TIAM1: variants seen among roughly 807,000 people sequenced by gnomAD.
TIAM1 encodes TIAM Rac1 associated GEF 1, also known as rho guanine nucleotide exchange factor TIAM1.
In TIAM1, 65 loss-of-function variants were observed where a neutral mutation model predicts 163.5. The observed-to-expected ratio is 0.40, with a 90% CI of 0.33 to 0.49. TIAM1 has a LOEUF of 0.49. TIAM1 is among the 20% of genes least tolerant of loss of function. The probability of loss-of-function intolerance (pLI) is 0.77; values close to 1 mark genes in which losing one functional copy is unlikely to be tolerated. For synonymous variants in TIAM1, 833 were observed against 810.1 expected, an observed-to-expected ratio of 1.03 and a Z score of -0.48; for missense variants, 1,789 against 2,044.7, an observed-to-expected ratio of 0.87 and a Z score of 2.41.
chr21:31,220,089 AAAT>A (rs1348709348), intron 8 of TIAM1, among the ~76,000 whole-genome samples: 1 of 152,254 alleles, frequency 6.6e-6, no homozygotes, highest in Non-Finnish European at 1.5e-5. Context: ...GTCATTTTAT[AAAT>A]AAATCCAGTC....
intron 1 of TIAM1, among the ~76,000 whole-genome samples, chr21:31,530,622 T>C (rs995877101): frequency 1.3e-5 from 2 of 152,306 alleles, no homozygotes; most frequent in East Asian, 1.9e-4. Flanking sequence ...TGAGCCCCCC[T>C]GGTGGGCACA....
chr21:31,169,707 C>A (rs2084413124), intron 15 of TIAM1, among the ~76,000 whole-genome samples: 1 of 151,888 alleles, frequency 6.6e-6, no homozygotes, highest in African/African-American at 2.4e-5. Context: ...AGCTGATACA[C>A]ACACAGGTAA....
At chr21:31,548,243 A>G (rs1221954832) in intron 1 of TIAM1, among the ~76,000 whole-genome samples, 1 of 146,272 alleles carries the variant, frequency 6.8e-6, no homozygotes, top group African/African-American at 2.5e-5. Context: ...GGGTTCAAGC[A>G]ATTCTCATGT....
chr21:31,234,523 G>C (rs558266348), intron 6 of TIAM1, among the ~76,000 whole-genome samples: 1 of 152,224 alleles, frequency 6.6e-6, no homozygotes, highest in South Asian at 2.1e-4. Context: ...GCTTAAACCT[G>C]TAATCTCAGC....
In TIAM1 at chr21:31,141,638, G is replaced by A; in HGVS notation, c.3476-134C>T. On this transcript the variant is annotated intron_variant, in intron 20 of 27. Transcript: ENST00000541036. This position sits in a 1 kb window ranked among gnomAD's most constrained non-coding sequence, Gnocchi z 4.7. ...GCAGAGAGTGGGTGGCAGGAAGAGGGACAGGTAGGGGAGGGGGCAGTCAGG... is the reference window on the plus strand; with the variant it reads ...GCAGAGAGTGGGTGGCAGGAAGAGGAACAGGTAGGGGAGGGGGCAGTCAGG... 1.0e-6 allele frequency: 1 copy of A among 957,100 alleles called. No homozygotes were observed. The highest frequency in any genetic ancestry group is 1.6e-5 in the African/African-American group (1 of 61,176). 59.3% of individuals were successfully genotyped at this position (957,100 alleles called of 1,614,324 possible).
At chr21:31,506,496 C>A (rs747094161) in intron 1 of TIAM1, among the ~76,000 whole-genome samples, 1 of 152,170 alleles carries the variant, frequency 6.6e-6, no homozygotes, top group African/African-American at 2.4e-5. Flanking sequence ...CACAAACTCC[C>A]TTGAATTTCA....
intron 2 of TIAM1, among the ~76,000 whole-genome samples, chr21:31,394,248 T>G (rs1302299358): frequency 2.0e-5 from 3 of 151,994 alleles, no homozygotes; most frequent in African/African-American, 7.3e-5. Context: ...AAGAAGCCCA[T>G]CTGAAAAAGC....
chr21:31,335,241 C>T (rs2075800850), intron 2 of TIAM1, among the ~76,000 whole-genome samples: 2 of 152,070 alleles, frequency 1.3e-5, no homozygotes, highest in Admixed American at 1.3e-4. Context: ...ACCTGTGGAC[C>T]AACATCTAAA....
intron 24 of TIAM1, 41 bp from the exon 25 acceptor site, chr21:31,130,356 C>T: frequency 1.3e-6 from 2 of 1,518,152 alleles, no homozygotes; most frequent in Non-Finnish European, 1.8e-6. Flanking sequence ...AAGAATCTAA[C>T]CTGCCCCGGA....
At chr21:31,142,792 C>T (rs1406075985) in intron 20 of TIAM1, among the ~76,000 whole-genome samples, 1 of 152,130 alleles carries the variant, frequency 6.6e-6, no homozygotes, top group Non-Finnish European at 1.5e-5. Context: ...CTGTGGGCAT[C>T]CGTGGGCTCT....
intron 16 of TIAM1, among the ~76,000 whole-genome samples, chr21:31,155,073 C>T (rs551612330): frequency 1.1e-4 from 17 of 152,330 alleles, no homozygotes; most frequent in African/African-American, 1.7e-4. Context: ...TTAAGAATAA[C>T]GAGATTAGCC....
intron 16 of TIAM1, among the ~76,000 whole-genome samples, chr21:31,155,516 T>C (rs1256012717): frequency 6.6e-6 from 1 of 152,202 alleles, no homozygotes; most frequent in Non-Finnish European, 1.5e-5. Flanking sequence ...TTACTTTTTT[T>C]TTTTTTGAGA....
intron 13 of TIAM1, among the ~76,000 whole-genome samples, chr21:31,191,065 A>G (rs557833309): frequency 6.6e-6 from 1 of 152,222 alleles, no homozygotes; most frequent in Admixed American, 6.5e-5. Flanking sequence ...CACCTCTTCA[A>G]TCAATACGCT....
intron 1 of TIAM1, among the ~76,000 whole-genome samples, chr21:31,339,703 C>T (rs1224448042): frequency 6.6e-6 from 1 of 152,182 alleles, no homozygotes; most frequent in Non-Finnish European, 1.5e-5. Context: ...AACACTGAAG[C>T]ATGTGGCTGC....
intron 2 of TIAM1, among the ~76,000 whole-genome samples, chr21:31,456,435 G>A (rs929326718): frequency 1.3e-5 from 2 of 152,200 alleles, no homozygotes; most frequent in Non-Finnish European, 2.9e-5. Flanking sequence ...TCCCATATCC[G>A]CCTGTCACTC....
rs757470504 is a variant in TIAM1 at position 31,182,601 on chromosome 21, C to G, written c.2707G>C (p.Ala903Pro). The G allele has an allele frequency of 3.1e-6, 5 of 1,613,700 alleles. No individual in the cohort carries two copies. The highest frequency in any genetic ancestry group is 4.2e-6 in the Non-Finnish European group (5 of 1,179,828). The change falls in exon 15 of 28, where the codon GCT (alanine) becomes CCT (proline). Residue 903 changes from alanine (A) to proline (P), a missense_variant. Coordinates refer to ENST00000541036, the MANE Select transcript of TIAM1 (RefSeq NM_001353694.2). The stretch of plus-strand genomic sequence containing the variant: ...AGCATAGAAGAGTTCAGGGCGTCAG[C>G]AGCACGATTATTGATCTCAAGAATC... ...DEILEINNRA[A>P]DALNSSMLKD...
At chr21:31,489,245 C>G (rs2046374972) in intron 1 of TIAM1, among the ~76,000 whole-genome samples, 1 of 149,940 alleles carries the variant, frequency 6.7e-6, no homozygotes. Flanking sequence ...TGGTGCACAC[C>G]CACAGTCCCA....
At chr21:31,430,237 T>TACACAC (rs1569324350) in intron 2 of TIAM1, among the ~76,000 whole-genome samples, 4 of 131,690 alleles carry the variant, frequency 3.0e-5, no homozygotes, top group African/African-American at 1.3e-4. Flanking sequence ...TATATATATA[T>TACACAC]ATATATATAT....
chr21:31,400,412 G>A (rs762277104), intron 2 of TIAM1, among the ~76,000 whole-genome samples: 1 of 152,104 alleles, frequency 6.6e-6, no homozygotes, highest in African/African-American at 2.4e-5. Context: ...TTGCAGGCAT[G>A]AGCCACCGCA....
Sources: allele counts gnomAD v4.1 joint callset (sites outside exome capture counted in the v4.1 genomes callset), GRCh38; gene constraint gnomAD v4.1.1; non-coding constraint Gnocchi (gnomAD v3.1); transcripts MANE v1.5; gene names NCBI Gene and HGNC (gene_info 2026-07-23, HGNC 2026-07-21).